Variants in BBX observed in about 807,000 individuals in gnomAD.
BBX encodes the protein BBX high mobility group box domain containing, also known as HMG box transcription factor BBX.
Under a neutral mutation model 100.2 loss-of-function variants are expected in BBX, and 30 were observed. That is an observed-to-expected ratio of 0.30 (90% confidence interval 0.22 to 0.41). BBX has a LOEUF of 0.41. BBX is among the 10% of genes least tolerant of loss of function. BBX has a pLI of 1.00. For synonymous variants in BBX, 376 were observed against 388.1 expected, an observed-to-expected ratio of 0.97 and a Z score of 0.37; for missense variants, 1,023 against 1,129.8, an observed-to-expected ratio of 0.91 and a Z score of 1.35.
intron 13 of BBX, among the ~76,000 whole-genome samples, chr3:107,786,764 A>C (rs2068472580): frequency 6.6e-6 from 1 of 152,200 alleles, no homozygotes; most frequent in African/African-American, 2.4e-5. Flanking sequence ...CAAAAGCCCA[A>C]GCAACAAAAG....
chr3:107,535,573 A>G (rs565851066), intron 2 of BBX, among the ~76,000 whole-genome samples: 7 of 147,834 alleles, frequency 4.7e-5, no homozygotes, highest in African/African-American at 1.5e-4. Flanking sequence ...TGAATATTCT[A>G]TATCGTTTGT....
chr3:107,615,333 G>A (rs2055169745), intron 2 of BBX, among the ~76,000 whole-genome samples: 1 of 152,168 alleles, frequency 6.6e-6, no homozygotes, highest in Admixed American at 6.5e-5. Flanking sequence ...CGTTCAGGCT[G>A]TTAGAACAAA....
Position 107,810,025 on chromosome 3 carries a change from T to TAG in BBX, c.*4569_*4570dup, listed in dbSNP as rs970373473. 2.0e-5 allele frequency: 3 copies of TAG among 152,184 alleles called. No homozygotes were observed. The highest frequency in any genetic ancestry group is 6.5e-5 in the Admixed American group (1 of 15,282). The allele number at this position is 152,184 out of a possible 1,614,324, so 9.4% of individuals were successfully genotyped here. The stretch of plus-strand genomic sequence containing the variant: ...CTGCTTTACTTTCGTTTGGAAGTGA[T>TAG]AGCTAAGTTTATTATACTCTATATT... On this transcript the variant is annotated 3_prime_UTR_variant, in exon 18 of 18. Coordinates refer to ENST00000325805, the MANE Select transcript of BBX (RefSeq NM_001142568.3).
chr3:107,633,628 A>C (rs1336346780), intron 2 of BBX, among the ~76,000 whole-genome samples: 1 of 152,230 alleles, frequency 6.6e-6, no homozygotes, highest in African/African-American at 2.4e-5. Context: ...CTTAGACTCT[A>C]AGGCCTCAGT....
chr3:107,595,014 G>A (rs1288829206), intron 2 of BBX, among the ~76,000 whole-genome samples: 1 of 152,212 alleles, frequency 6.6e-6, no homozygotes, highest in Non-Finnish European at 1.5e-5. Flanking sequence ...ATGTCCCACA[G>A]GAATCATAGA....
chr3:107,801,391 G>A, intron 17 of BBX, 110 bp downstream of exon 17: 1 of 1,197,892 alleles, frequency 8.3e-7, no homozygotes, highest in East Asian at 2.5e-5. Context: ...TGGTTCAAGA[G>A]CACTATTGGT....
At chr3:107,593,256 A>T (rs966765552) in intron 2 of BBX, among the ~76,000 whole-genome samples, 1 of 152,226 alleles carries the variant, frequency 6.6e-6, no homozygotes, top group African/African-American at 2.4e-5. Flanking sequence ...CATGACCCTA[A>T]GGCGTATCTT....
At chr3:107,557,579 C>G (rs573337782) in intron 2 of BBX, among the ~76,000 whole-genome samples, 3 of 152,198 alleles carry the variant, frequency 2.0e-5, no homozygotes, top group Non-Finnish European at 4.4e-5. Flanking sequence ...ACATTTGATA[C>G]TTTCCAGTAC....
At chr3:107,575,940 G>A (rs1428938531) in intron 2 of BBX, among the ~76,000 whole-genome samples, 1 of 152,186 alleles carries the variant, frequency 6.6e-6, no homozygotes, top group African/African-American at 2.4e-5. Flanking sequence ...TGAGGCTGAG[G>A]CAGGAGAATC....
intron 3 of BBX, among the ~76,000 whole-genome samples, chr3:107,668,056 T>A (rs1455571474): frequency 6.6e-6 from 1 of 152,256 alleles, no homozygotes. Flanking sequence ...AGTCGCTGAT[T>A]GTTTTTGTAA....
chr3:107,609,614 T>G (rs1339370430), intron 2 of BBX, among the ~76,000 whole-genome samples: 1 of 152,122 alleles, frequency 6.6e-6, no homozygotes, highest in African/African-American at 2.4e-5. Flanking sequence ...AAGTTGTATG[T>G]GTCTGTGTGT....
At chr3:107,736,530 C>T (rs565612464) in intron 7 of BBX, among the ~76,000 whole-genome samples, 263 of 151,840 alleles carry the variant, frequency 1.7e-3, no homozygotes, top group African/African-American at 6.1e-3. Flanking sequence ...GAGAATTAAG[C>T]CTTTATGTTT....
At chr3:107,587,648 A>C (rs2052959638) in intron 2 of BBX, among the ~76,000 whole-genome samples, 1 of 152,220 alleles carries the variant, frequency 6.6e-6, no homozygotes, top group Non-Finnish European at 1.5e-5. Flanking sequence ...CACAGCAAAT[A>C]GTCGGGATCG....
chr3:107,667,384 A>C (rs1433631476), intron 3 of BBX, among the ~76,000 whole-genome samples: 3 of 152,048 alleles, frequency 2.0e-5, no homozygotes, highest in East Asian at 3.8e-4. Context: ...GCTTCATAAA[A>C]CCTACAACAC....
chr3:107,568,265 AT>A (rs36099700), intron 2 of BBX, among the ~76,000 whole-genome samples: 16,069 of 131,288 alleles, frequency 0.12, 1,047 homozygotes, highest in Middle Eastern at 0.2. Context: ...ATTTTCTGCT[AT>A]TTTTTTTTTT....
chr3:107,570,784 G>A (rs1339756847), intron 2 of BBX, among the ~76,000 whole-genome samples: 1 of 152,064 alleles, frequency 6.6e-6, no homozygotes, highest in African/African-American at 2.4e-5. Context: ...GGATTCAAAG[G>A]ACTCAAGAGT....
At chr3:107,611,036 T>G (rs1193964156) in intron 2 of BBX, among the ~76,000 whole-genome samples, 1 of 152,100 alleles carries the variant, frequency 6.6e-6, no homozygotes, top group Non-Finnish European at 1.5e-5. Context: ...GTTTTTAGAT[T>G]TGAGGTTACC....
chr3:107,693,244 G>T (rs895380175), intron 3 of BBX, among the ~76,000 whole-genome samples: 29 of 151,706 alleles, frequency 1.9e-4, no homozygotes, highest in Non-Finnish European at 3.2e-4. Flanking sequence ...TGCCATTGCT[G>T]TTGGTGTTTT....
At chr3:107,582,685 T>C (rs552097830) in intron 2 of BBX, among the ~76,000 whole-genome samples, 1 of 152,234 alleles carries the variant, frequency 6.6e-6, no homozygotes, top group African/African-American at 2.4e-5. Flanking sequence ...TAATGTTGTA[T>C]TGATGGGAAT....
Sources: allele counts gnomAD v4.1 joint callset (sites outside exome capture counted in the v4.1 genomes callset), GRCh38; gene constraint gnomAD v4.1.1; transcripts MANE v1.5; gene names NCBI Gene and HGNC (gene_info 2026-07-23, HGNC 2026-07-21).